Variants in ZNF280D observed in about 807,000 individuals in gnomAD.
ZNF280D encodes zinc finger protein 280D, also known as suppressor of hairy wing homolog 4.
Under a neutral mutation model 94.7 loss-of-function variants are expected in ZNF280D, and 39 were observed. The observed-to-expected ratio is 0.41, with a 90% CI of 0.32 to 0.54. ZNF280D has a LOEUF of 0.54. ZNF280D is among the 20% of genes least tolerant of loss of function. The pLI is 0.22. For missense variants in ZNF280D, 1,090 were observed against 1,149.3 expected, an observed-to-expected ratio of 0.95 and a Z score of 0.75; for synonymous variants, 398 against 377.6, an observed-to-expected ratio of 1.05 and a Z score of -0.63.
intron 9 of ZNF280D, among the ~76,000 whole-genome samples, chr15:56,686,979 A>C (rs1429605224): frequency 1.3e-5 from 2 of 148,710 alleles, no homozygotes; most frequent in Non-Finnish European, 2.9e-5. Flanking sequence ...GAAAGAAAAC[A>C]TTATATGCTA....
intron 1 of ZNF280D, among the ~76,000 whole-genome samples, chr15:56,732,100 C>T (rs2141549364): frequency 6.6e-6 from 1 of 152,276 alleles, no homozygotes; most frequent in Admixed American, 6.5e-5. Context: ...ACCTCATTCC[C>T]ACAAAAATGG....
intron 13 of ZNF280D, 24 bp downstream of exon 13, chr15:56,676,646 C>T: frequency 6.4e-7 from 1 of 1,563,014 alleles, no homozygotes; most frequent in African/African-American, 1.4e-5. Context: ...ACATAATAAA[C>T]AAATAAGAAC....
intron 20 of ZNF280D, among the ~76,000 whole-genome samples, chr15:56,636,126 A>G (rs2052339103): frequency 6.6e-6 from 1 of 152,194 alleles, no homozygotes; most frequent in South Asian, 2.1e-4. Flanking sequence ...AACAAGGGCA[A>G]AGAAATAAAA....
rs2057340378 is a variant in ZNF280D, at chr15:56,705,322, G to A, written c.29-1055C>T. On this transcript the variant is annotated intron_variant, in intron 3 of 21. Transcript: ENST00000267807. Reference sequence around the variant, plus strand: ...TGTTTTTTAAATACTTGAAATACCAGCCTTATTGTGTGTCTCAGAGCGATT... The same window carrying A: ...TGTTTTTTAAATACTTGAAATACCAACCTTATTGTGTGTCTCAGAGCGATT... 2.0e-5 allele frequency among the ~76,000 whole-genome samples: 3 copies of A among 152,054 alleles called. No individual in the cohort carries two copies. In the South Asian group the frequency reaches 6.2e-4, roughly 32 times the overall value.
chr15:56,663,430 G>A (rs776357464), intron 16 of ZNF280D, among the ~76,000 whole-genome samples: 10 of 152,050 alleles, frequency 6.6e-5, no homozygotes, highest in East Asian at 3.9e-4. Flanking sequence ...GAGTTAGTAC[G>A]GGATAGGAAT....
At chr15:56,692,165 GTTTCTT>G in intron 7 of ZNF280D, among the ~76,000 whole-genome samples, 1 of 151,930 alleles carries the variant, frequency 6.6e-6, no homozygotes, top group East Asian at 1.9e-4. Context: ...TTTTCTCCCT[GTTTCTT>G]TTGGTTCTTA....
chr15:56,649,218 T>C (rs1356010033), intron 19 of ZNF280D, among the ~76,000 whole-genome samples: 1 of 152,142 alleles, frequency 6.6e-6, no homozygotes, highest in Non-Finnish European at 1.5e-5. Context: ...ATTTAATTTA[T>C]AATCTATAAG....
chr15:56,696,324 C>T (rs1053209456), intron 6 of ZNF280D, among the ~76,000 whole-genome samples: 2 of 152,182 alleles, frequency 1.3e-5, no homozygotes. Context: ...TTGTTTTAAA[C>T]GTACTTGCTC....
At chr15:56,679,464 T>A (rs1358892722) in intron 10 of ZNF280D, among the ~76,000 whole-genome samples, 1 of 152,236 alleles carries the variant, frequency 6.6e-6, no homozygotes, top group Non-Finnish European at 1.5e-5. Flanking sequence ...AGACTGTTCA[T>A]CTTAACTTGC....
chr15:56,657,549 T>C (rs1301289803), intron 17 of ZNF280D, among the ~76,000 whole-genome samples: 1 of 152,168 alleles, frequency 6.6e-6, no homozygotes. Flanking sequence ...CAATGGCTAA[T>C]CATACTTCTG....
chr15:56,633,424 A>C, intron 21 of ZNF280D, among the ~76,000 whole-genome samples: 1 of 152,278 alleles, frequency 6.6e-6, no homozygotes. Context: ...TATGTAAAAG[A>C]TATTTATCAA....
At chr15:56,728,525 G>A (rs2058737021) in intron 1 of ZNF280D, among the ~76,000 whole-genome samples, 1 of 152,126 alleles carries the variant, frequency 6.6e-6, no homozygotes, top group Admixed American at 6.5e-5. Context: ...ACCATCAAAG[G>A]TTTCAAAAAT....
intron 9 of ZNF280D, among the ~76,000 whole-genome samples, chr15:56,688,585 T>G (rs2056214662): frequency 6.6e-6 from 1 of 152,074 alleles, no homozygotes; most frequent in Admixed American, 6.5e-5. Context: ...ATGAAATGCT[T>G]CAACATTTGG....
chr15:56,722,855 T>C (rs1596682658), intron 1 of ZNF280D, among the ~76,000 whole-genome samples: 1 of 151,542 alleles, frequency 6.6e-6, no homozygotes, highest in Admixed American at 6.6e-5. Flanking sequence ...TAGACTGGAT[T>C]AAGAAAATGT....
intron 20 of ZNF280D, among the ~76,000 whole-genome samples, chr15:56,639,616 C>A (rs1156463198): frequency 1.3e-5 from 2 of 152,118 alleles, no homozygotes; most frequent in Non-Finnish European, 2.9e-5. Context: ...AATACAAATA[C>A]TGGATATAAG....
At chr15:56,702,665 T>C (rs1298223344) in intron 4 of ZNF280D, among the ~76,000 whole-genome samples, 1 of 152,162 alleles carries the variant, frequency 6.6e-6, no homozygotes, top group Admixed American at 6.6e-5. Context: ...TGTCCCACTA[T>C]CACCGACGAT....
chr15:56,653,404 A>T (rs1474779916), intron 19 of ZNF280D: 1 of 1,363,990 alleles, frequency 7.3e-7, no homozygotes, highest in African/African-American at 1.5e-5. Context: ...CATCAGCCTT[A>T]TGGGAGGCCA....
intron 12 of ZNF280D, among the ~76,000 whole-genome samples, 186 bp downstream of exon 12, chr15:56,677,388 C>A (rs1011434331): frequency 1.3e-5 from 2 of 152,108 alleles, no homozygotes; most frequent in African/African-American, 4.8e-5. Flanking sequence ...CATCTTTGTC[C>A]AGTACAGAGA....
At chr15:56,713,033 C>G (rs1261764101) in intron 1 of ZNF280D, among the ~76,000 whole-genome samples, 1 of 152,060 alleles carries the variant, frequency 6.6e-6, no homozygotes, top group Admixed American at 6.5e-5. Context: ...AGCCACCATG[C>G]CCGGTCAAAT....
Sources: gnomAD v4.1 joint callset for allele counts (sites outside exome capture counted in the v4.1 genomes callset) on GRCh38, gnomAD v4.1.1 for gene constraint, MANE v1.5 for transcripts, NCBI Gene and HGNC (gene_info 2026-07-23, HGNC 2026-07-21) for gene names.